Variants in AFG1L observed in about 807,000 individuals in gnomAD.
AFG1L encodes AFG1-like ATPase.
Under a neutral mutation model 62.2 loss-of-function variants are expected in AFG1L, and 53 were observed. The observed-to-expected ratio is 0.85, with a 90% CI of 0.68 to 1.07. The LOEUF is 1.07. AFG1L is among the 50% of genes least tolerant of loss of function. AFG1L has a pLI of 0.00. For synonymous variants in AFG1L, 228 were observed against 210.3 expected, an observed-to-expected ratio of 1.08 and a Z score of -0.73; for missense variants, 555 against 590.5, an observed-to-expected ratio of 0.94 and a Z score of 0.62.
chr6:108,374,511 G>A (rs951710953), intron 6 of AFG1L, among the ~76,000 whole-genome samples: 1 of 152,092 alleles, frequency 6.6e-6, no homozygotes, highest in African/African-American at 2.4e-5. Flanking sequence ...GTTAATTTTT[G>A]CATATGGTGA....
chr6:108,519,727 A>G lies in AFG1L; in HGVS notation c.1234A>G (p.Ile412Val), dbSNP rs749203122. 6.8e-6 allele frequency: 11 copies of G among 1,612,856 alleles called. No individual in the cohort carries two copies. The highest frequency in any genetic ancestry group is 5.1e-6 in the Non-Finnish European group (6 of 1,179,274). The stretch of plus-strand genomic sequence containing the variant: ...TATAATTTGCTCTGCGTCGACTCCT[A>G]TATCAAGCTTATTTTTGCATCAACA... Reference protein sequence around the residue: ...VRIICSASTPISSLFLHQHHD... With the variant: ...VRIICSASTPVSSLFLHQHHD... The change falls in exon 12 of 13, where the codon ATA (isoleucine) becomes GTA (valine). Residue 412 changes from isoleucine (I) to valine (V), a missense_variant. Coordinates refer to ENST00000368977, the MANE Select transcript of AFG1L (RefSeq NM_145315.5).
At chr6:108,373,380 T>C (rs1013648739) in intron 6 of AFG1L, among the ~76,000 whole-genome samples, 1 of 152,182 alleles carries the variant, frequency 6.6e-6, no homozygotes, top group Non-Finnish European at 1.5e-5. Context: ...TCATTCTTTT[T>C]ATGGCTGTGT....
At chr6:108,455,910 A>G (rs1389661999) in intron 8 of AFG1L, among the ~76,000 whole-genome samples, 3 of 152,258 alleles carry the variant, frequency 2.0e-5, no homozygotes, top group Admixed American at 6.5e-5. Flanking sequence ...GTATTCTGCT[A>G]TTGTTAGTAG....
chr6:108,365,781 C>T (rs1405486818), intron 5 of AFG1L, among the ~76,000 whole-genome samples: 1 of 152,040 alleles, frequency 6.6e-6, no homozygotes, highest in East Asian at 1.9e-4. Context: ...TTAAAGTCAC[C>T]TTTCCAGGGA....
At position 108,468,336 on chromosome 6, in the gene AFG1L, C is replaced by T. The variant is rs1425050433; in HGVS notation, c.891-8529C>T. On this transcript the variant is annotated intron_variant, in intron 8 of 12. Transcript: ENST00000368977. Reference sequence around the variant, plus strand: ...ACTTGATTAATAGTTTGAATGATCACGGTTATCACACAATAATATTCTCTT... The same window carrying T: ...ACTTGATTAATAGTTTGAATGATCATGGTTATCACACAATAATATTCTCTT... Among the ~76,000 whole-genome samples the T allele has an allele frequency of 5.3e-5, 8 of 152,272 alleles. No individual in the cohort carries two copies. The South Asian group carries it at 6.2e-4, about 12-fold the overall frequency.
At chr6:108,495,442 G>A (rs1034250738) in intron 10 of AFG1L, among the ~76,000 whole-genome samples, 5 of 152,198 alleles carry the variant, frequency 3.3e-5, no homozygotes, top group African/African-American at 9.7e-5. Flanking sequence ...GCATTAGTGA[G>A]GCAGAGGAAA....
intron 1 of AFG1L, among the ~76,000 whole-genome samples, chr6:108,314,914 A>G (rs1777534996): frequency 6.6e-6 from 1 of 151,896 alleles, no homozygotes; most frequent in Non-Finnish European, 1.5e-5. Context: ...ATCTTGGCTC[A>G]TGCAAACTTT....
intron 1 of AFG1L, among the ~76,000 whole-genome samples, chr6:108,316,091 C>T (rs1461067286): frequency 1.3e-5 from 2 of 151,958 alleles, no homozygotes; most frequent in Admixed American, 1.3e-4. Context: ...GTTTAAAAAT[C>T]GGAAAGTTGG....
intron 7 of AFG1L, among the ~76,000 whole-genome samples, chr6:108,422,739 T>G (rs1770658673): frequency 6.6e-6 from 1 of 152,012 alleles, no homozygotes; most frequent in Non-Finnish European, 1.5e-5. Context: ...TCTTTTAACG[T>G]ATTTTAATTA....
At chr6:108,450,161 C>A (rs957458003) in intron 8 of AFG1L, among the ~76,000 whole-genome samples, 1 of 152,168 alleles carries the variant, frequency 6.6e-6, no homozygotes, top group Non-Finnish European at 1.5e-5. Context: ...GTTCTAGATC[C>A]CTGAGGAGTC....
At chr6:108,356,843 A>T (rs745760053) in intron 5 of AFG1L, 23 bp downstream of exon 5, 73 of 1,588,366 alleles carry the variant, frequency 4.6e-5, no homozygotes, top group Non-Finnish European at 6.3e-5. Context: ...TTTTTCATAG[A>T]TATAGAATGG....
chr6:108,392,512 C>T (rs1190386890), intron 6 of AFG1L, among the ~76,000 whole-genome samples: 2 of 152,018 alleles, frequency 1.3e-5, no homozygotes, highest in East Asian at 3.9e-4. Flanking sequence ...TATCTGTTGT[C>T]TTCAGCACTC....
intron 10 of AFG1L, among the ~76,000 whole-genome samples, chr6:108,497,690 A>G (rs1474295678): frequency 2.0e-5 from 3 of 152,220 alleles, no homozygotes; most frequent in Non-Finnish European, 4.4e-5. Context: ...ATAAAAATAA[A>G]TGAACATAAA....
chr6:108,466,835 A>G (rs1772692272), intron 8 of AFG1L, among the ~76,000 whole-genome samples: 1 of 151,120 alleles, frequency 6.6e-6, no homozygotes, highest in Admixed American at 6.6e-5. Flanking sequence ...AGTCTGTGGT[A>G]TTTTGTTATG....
At chr6:108,363,702 T>C (rs997645754) in intron 5 of AFG1L, among the ~76,000 whole-genome samples, 4 of 150,568 alleles carry the variant, frequency 2.7e-5, no homozygotes, top group African/African-American at 9.8e-5. Context: ...CTAATATGGG[T>C]CCAGAAAAAA....
At chr6:108,417,928 G>A (rs1338436776) in intron 7 of AFG1L, among the ~76,000 whole-genome samples, 1 of 152,054 alleles carries the variant, frequency 6.6e-6, no homozygotes, top group African/African-American at 2.4e-5. Context: ...CCACCTCCCG[G>A]GTTCACGCCA....
At chr6:108,363,058 T>C (rs1779607339) in intron 5 of AFG1L, among the ~76,000 whole-genome samples, 1 of 152,194 alleles carries the variant, frequency 6.6e-6, no homozygotes, top group Admixed American at 6.5e-5. Flanking sequence ...TTTATTTTAC[T>C]AGGGAGACGA....
intron 2 of AFG1L, among the ~76,000 whole-genome samples, chr6:108,346,196 T>C (rs773240255): frequency 3.9e-5 from 6 of 152,192 alleles, no homozygotes; most frequent in Non-Finnish European, 7.3e-5. Flanking sequence ...ATCTTAATCA[T>C]TTTTTAAGAG....
At chr6:108,347,578 A>G (rs942066457) in intron 3 of AFG1L, among the ~76,000 whole-genome samples, 3 of 152,144 alleles carry the variant, frequency 2.0e-5, no homozygotes, top group African/African-American at 7.2e-5. Flanking sequence ...ATTGCTGGAA[A>G]CTTTCTGAGT....
Sources: allele counts gnomAD v4.1 joint callset (sites outside exome capture counted in the v4.1 genomes callset), GRCh38; gene constraint gnomAD v4.1.1; transcripts MANE v1.5; gene names NCBI Gene and HGNC (gene_info 2026-07-23, HGNC 2026-07-21).